GNB5: variants seen among roughly 807,000 people sequenced by gnomAD.
GNB5 encodes the protein G protein subunit beta 5.
In GNB5, 37 loss-of-function variants were observed where a neutral mutation model predicts 55.3. The ratio of observed to expected loss-of-function variants is 0.67; its 90% CI spans 0.51 to 0.88. The LOEUF is 0.88. GNB5 is among the 40% of genes least tolerant of loss of function. GNB5 has a pLI of 0.00. For missense variants in GNB5, 476 were observed against 515.3 expected, an observed-to-expected ratio of 0.92 and a Z score of 0.74; for synonymous variants, 219 against 198.5, an observed-to-expected ratio of 1.10 and a Z score of -0.87.
At chr15:52,129,835 C>T (rs2033528850) in intron 9 of GNB5, among the ~76,000 whole-genome samples, 1 of 152,232 alleles carries the variant, frequency 6.6e-6, no homozygotes, top group Admixed American at 6.5e-5. Context: ...AAATGTCTTA[C>T]ATGGAACATT....
chr15:52,131,876 C>T (rs1427460706), intron 9 of GNB5, among the ~76,000 whole-genome samples: 1 of 152,160 alleles, frequency 6.6e-6, no homozygotes, highest in Non-Finnish European at 1.5e-5. Flanking sequence ...CAAGTCCTGA[C>T]CTCTCTCTTG....
intron 1 of GNB5, among the ~76,000 whole-genome samples, chr15:52,190,133 T>A (rs1311813292): frequency 1.3e-5 from 2 of 151,908 alleles, no homozygotes; most frequent in African/African-American, 4.8e-5. Context: ...TTTTTTTTTT[T>A]TTTAGACAGA....
At chr15:52,155,709 G>C (rs578189394) in intron 3 of GNB5, among the ~76,000 whole-genome samples, 1 of 152,266 alleles carries the variant, frequency 6.6e-6, no homozygotes, top group East Asian at 1.9e-4. Flanking sequence ...ATGCTTCCTT[G>C]AGATTAGCTT....
chr15:52,161,774 A>C (rs867074447), intron 3 of GNB5, among the ~76,000 whole-genome samples: 1 of 152,248 alleles, frequency 6.6e-6, no homozygotes, highest in African/African-American at 2.4e-5. Flanking sequence ...CACCTTTCGC[A>C]GGCTGGCCCT....
chr15:52,136,172 A>ACACACACACACCCAC (rs1168734914), intron 7 of GNB5, among the ~76,000 whole-genome samples: 1 of 100,050 alleles, frequency 1.0e-5, no homozygotes, highest in East Asian at 2.7e-4. Context: ...ACACACACAC[A>ACACACACACACCCAC]CCCTACCTGC....
intron 8 of GNB5, 135 bp from the exon 9 acceptor site, chr15:52,133,604 C>T (rs2141191372): frequency 1.6e-6 from 1 of 634,606 alleles, no homozygotes; most frequent in Non-Finnish European, 2.8e-6. Flanking sequence ...CTGAGACTAG[C>T]TTTACCTGAG....
intron 5 of GNB5, among the ~76,000 whole-genome samples, chr15:52,148,835 C>G (rs550372449): frequency 2.0e-5 from 3 of 152,204 alleles, no homozygotes; most frequent in Non-Finnish European, 4.4e-5. Flanking sequence ...TAGCCACTCT[C>G]AGCACAGGGT....
intron 6 of GNB5, among the ~76,000 whole-genome samples, chr15:52,143,670 A>C (rs1317417805): frequency 6.6e-6 from 1 of 152,254 alleles, no homozygotes; most frequent in Non-Finnish European, 1.5e-5. Context: ...TGAGATAAAA[A>C]ATATCCCCAT....
intron 10 of GNB5, among the ~76,000 whole-genome samples, chr15:52,127,846 G>A (rs564074592): frequency 6.6e-6 from 1 of 150,386 alleles, no homozygotes; most frequent in African/African-American, 2.4e-5. Context: ...AAAGCCAAAT[G>A]TCCAAAAATT....
chr15:52,181,545 A>T (rs939804217), intron 2 of GNB5, among the ~76,000 whole-genome samples: 1 of 152,064 alleles, frequency 6.6e-6, no homozygotes, highest in African/African-American at 2.4e-5. Flanking sequence ...GAACCCTGGA[A>T]TCAGAGGTTG....
At chr15:52,139,644 G>A in intron 7 of GNB5, 1 of 326,550 alleles carries the variant, frequency 3.1e-6, no homozygotes, top group South Asian at 2.9e-5. Flanking sequence ...ACGCTGTCTA[G>A]GATCACCAGC....
intron 5 of GNB5, 33 bp from the exon 6 acceptor site, chr15:52,147,568 T>G: frequency 8.3e-7 from 1 of 1,203,978 alleles, no homozygotes; most frequent in Non-Finnish European, 1.2e-6. Flanking sequence ...CAACTAGCAC[T>G]TCCACACAAA....
intron 3 of GNB5, among the ~76,000 whole-genome samples, chr15:52,167,847 C>T (rs2034480337): frequency 6.6e-6 from 1 of 151,826 alleles, no homozygotes; most frequent in Non-Finnish European, 1.5e-5. Context: ...ATTGGTTCAA[C>T]ATACACAAAT....
chr15:52,124,697 T>G, intron 11 of GNB5, 58 bp from the exon 12 acceptor site: 2 of 1,419,442 alleles, frequency 1.4e-6, no homozygotes, highest in East Asian at 4.6e-5. Context: ...TGTTTCTCAT[T>G]ACATGACTGT....
chr15:52,171,429 CTTG>C (rs2141232253), intron 3 of GNB5, among the ~76,000 whole-genome samples: 2 of 152,154 alleles, frequency 1.3e-5, no homozygotes, highest in African/African-American at 4.8e-5. Context: ...TTATGAATGA[CTTG>C]TTTTCTTCTA....
At chr15:52,133,587 C>A in intron 8 of GNB5, 118 bp from the exon 9 acceptor site, 1 of 687,086 alleles carries the variant, frequency 1.5e-6, no homozygotes, top group Non-Finnish European at 2.6e-6. Flanking sequence ...GTTGACAACA[C>A]ACTTTTCTGA....
rs935921501 is a variant in GNB5 at position 52,120,422 on chromosome 15, T to C, written c.*2335A>G. 2.0e-5 allele frequency: 3 copies of C among 151,996 alleles called. No homozygotes were observed. Among genetic ancestry groups the C allele is most frequent in the African/African-American group, 7.3e-5 (3 of 41,370 alleles). The allele number at this position is 151,996 out of a possible 1,614,324, so 9.4% of individuals were successfully genotyped here. On this transcript the variant is annotated 3_prime_UTR_variant, in exon 13 of 13. Transcript: ENST00000261837. The stretch of plus-strand genomic sequence containing the variant: ...GGAGGCTTCCTGCCCATGCGGGGAG[T>C]GGAAGCATTCTCTGGAATACTTTCC...
At chr15:52,179,716 GA>G in intron 3 of GNB5, 51 bp downstream of exon 3, 1 of 1,203,912 alleles carries the variant, frequency 8.3e-7, no homozygotes, top group Non-Finnish European at 1.1e-6. Flanking sequence ...CCCCGCCCGG[GA>G]AGTGGCGAGC....
chr15:52,174,464 G>C (rs2034611082), intron 3 of GNB5, among the ~76,000 whole-genome samples: 1 of 152,130 alleles, frequency 6.6e-6, no homozygotes, highest in Non-Finnish European at 1.5e-5. Flanking sequence ...GGGAGGAAGG[G>C]GAAAATGGGG....
Sources: allele counts gnomAD v4.1 joint callset (sites outside exome capture counted in the v4.1 genomes callset), GRCh38; gene constraint gnomAD v4.1.1; transcripts MANE v1.5; gene names NCBI Gene and HGNC (gene_info 2026-07-23, HGNC 2026-07-21).